Variants in CNTN5 observed in about 807,000 individuals in gnomAD.
CNTN5 encodes the protein contactin 5.
CNTN5 carries 77 observed loss-of-function variants against 129.1 expected under a neutral mutation model. The ratio of observed to expected loss-of-function variants is 0.60; its 90% CI spans 0.50 to 0.72. The LOEUF is 0.72. Among genes scored for constraint, CNTN5 ranks in the 30% least tolerant of loss-of-function variants. The pLI is 0.00. For synonymous variants in CNTN5, 509 were observed against 465.6 expected (o/e 1.09, Z -1.20); for missense variants, 1,478 against 1,328.8 (o/e 1.11, Z -1.75).
At chr11:100,201,120 A>G (rs1275552550) in intron 15 of CNTN5, among the ~76,000 whole-genome samples, 1 of 151,966 alleles carries the variant, frequency 6.6e-6, no homozygotes, top group African/African-American at 2.4e-5. Flanking sequence ...AGTAAAGTCA[A>G]TCCGATTTAT....
intron 9 of CNTN5, among the ~76,000 whole-genome samples, chr11:100,002,835 CAG>C (rs1289264250): frequency 4.2e-5 from 6 of 142,068 alleles, no homozygotes; most frequent in African/African-American, 1.1e-4. Flanking sequence ...TTATTTTAAA[CAG>C]AGTGTTGTTT....
chr11:99,021,441 C>T (rs1354636477), intron 1 of CNTN5, among the ~76,000 whole-genome samples, 171 bp downstream of exon 1: 1 of 152,138 alleles, frequency 6.6e-6, no homozygotes, highest in Non-Finnish European at 1.5e-5. Context: ...GGAAACAAAA[C>T]ACGACTTTAT....
At chr11:99,551,979 C>A (rs1948501037) in intron 2 of CNTN5, among the ~76,000 whole-genome samples, 1 of 150,826 alleles carries the variant, frequency 6.6e-6, no homozygotes, top group South Asian at 2.1e-4. Context: ...ACAATCTTGG[C>A]TCACTGCAAC....
intron 3 of CNTN5, among the ~76,000 whole-genome samples, chr11:99,560,602 T>C (rs1948811529): frequency 1.3e-5 from 2 of 152,154 alleles, no homozygotes; most frequent in African/African-American, 4.8e-5. Context: ...GTATTATTAA[T>C]AGGAAGCAAC....
intron 4 of CNTN5, among the ~76,000 whole-genome samples, chr11:99,834,300 C>T (rs957217404): frequency 6.6e-6 from 1 of 152,116 alleles, no homozygotes; most frequent in African/African-American, 2.4e-5. Context: ...AACAAAAACT[C>T]TTGATTGCTT....
intron 3 of CNTN5, among the ~76,000 whole-genome samples, chr11:99,753,242 C>G (rs1271395446): frequency 1.3e-5 from 2 of 150,516 alleles, no homozygotes; most frequent in Non-Finnish European, 3.0e-5. Context: ...CCTGCCTCAG[C>G]CTCCCGAGTA....
At chr11:100,228,213 A>C (rs1423133414) in intron 16 of CNTN5, among the ~76,000 whole-genome samples, 1 of 152,196 alleles carries the variant, frequency 6.6e-6, no homozygotes, top group Non-Finnish European at 1.5e-5. Context: ...GGGAATAGTC[A>C]AAGAATAATC....
intron 7 of CNTN5, among the ~76,000 whole-genome samples, chr11:99,952,331 A>G (rs1234501629): frequency 2.0e-5 from 3 of 152,168 alleles, no homozygotes; most frequent in African/African-American, 7.2e-5. Flanking sequence ...CTTCACTTCA[A>G]TTAAGTCATC....
chr11:99,723,400 A>G (rs1343612731), intron 3 of CNTN5, among the ~76,000 whole-genome samples: 3 of 152,074 alleles, frequency 2.0e-5, no homozygotes, highest in Admixed American at 1.3e-4. Flanking sequence ...TTCCCCTAGT[A>G]CTTTTCATCT....
chr11:99,449,930 A>C (rs542381688), intron 2 of CNTN5, among the ~76,000 whole-genome samples: 18 of 152,174 alleles, frequency 1.2e-4, no homozygotes, highest in Non-Finnish European at 2.5e-4. Flanking sequence ...ACATTATTCT[A>C]CTGACCAAAT....
At chr11:100,286,961 A>AG (rs1323748179) in intron 18 of CNTN5, among the ~76,000 whole-genome samples, 1 of 152,196 alleles carries the variant, frequency 6.6e-6, no homozygotes, top group African/African-American at 2.4e-5. Context: ...TGAAGAATGC[A>AG]GAAGCCTCAG....
At chr11:99,476,295 A>G (rs1945370024) in intron 2 of CNTN5, among the ~76,000 whole-genome samples, 1 of 152,096 alleles carries the variant, frequency 6.6e-6, no homozygotes, top group Admixed American at 6.6e-5. Context: ...TCATTTTATT[A>G]CAATTTAGAG....
At chr11:99,079,736 T>C (rs747275873) in intron 1 of CNTN5, among the ~76,000 whole-genome samples, 1 of 152,194 alleles carries the variant, frequency 6.6e-6, no homozygotes, top group Non-Finnish European at 1.5e-5. Flanking sequence ...TTCACACTTC[T>C]TTGCCTTTGT....
chr11:99,283,676 A>G (rs905163316), intron 1 of CNTN5, among the ~76,000 whole-genome samples: 3 of 152,160 alleles, frequency 2.0e-5, no homozygotes, highest in Non-Finnish European at 2.9e-5. Context: ...CTAAGCAGGG[A>G]AACTATTACA....
At chr11:99,464,595 C>A (rs1944861143) in intron 2 of CNTN5, among the ~76,000 whole-genome samples, 1 of 152,092 alleles carries the variant, frequency 6.6e-6, no homozygotes, top group African/African-American at 2.4e-5. Flanking sequence ...ATGTTATAAG[C>A]ATTGAAATTG....
chr11:99,947,936 T>C (rs1950588698), intron 7 of CNTN5, among the ~76,000 whole-genome samples: 1 of 152,232 alleles, frequency 6.6e-6, no homozygotes, highest in African/African-American at 2.4e-5. Context: ...TTTTAATTCA[T>C]AGAGCTAAGT....
At chr11:99,798,672 C>T (rs1043462629) in intron 3 of CNTN5, among the ~76,000 whole-genome samples, 1 of 151,788 alleles carries the variant, frequency 6.6e-6, no homozygotes, top group Non-Finnish European at 1.5e-5. Flanking sequence ...AGTACTGTAC[C>T]TTTATAGTTT....
At chr11:99,658,705 C>T (rs1415772758) in intron 3 of CNTN5, among the ~76,000 whole-genome samples, 1 of 98,332 alleles carries the variant, frequency 1.0e-5, no homozygotes, top group Non-Finnish European at 2.4e-5. Flanking sequence ...AATTCTGTCT[C>T]TACTAAAAAA....
intron 2 of CNTN5, among the ~76,000 whole-genome samples, chr11:99,353,677 G>A (rs557512557): frequency 6.6e-6 from 1 of 152,254 alleles, no homozygotes; most frequent in East Asian, 1.9e-4. Context: ...TTCCACTAAT[G>A]AGGATAGCCA....
Sources: gnomAD v4.1 joint callset for allele counts (sites outside exome capture counted in the v4.1 genomes callset) on GRCh38, gnomAD v4.1.1 for gene constraint, MANE v1.5 for transcripts, NCBI Gene and HGNC (gene_info 2026-07-23, HGNC 2026-07-21) for gene names.